Variants in ELP4 observed in about 807,000 individuals in gnomAD.
ELP4 encodes the protein elongator acetyltransferase complex subunit 4.
In ELP4, 51 loss-of-function variants were observed where a neutral mutation model predicts 48.9. That is an observed-to-expected ratio of 1.04 (90% CI 0.83 to 1.32). ELP4 has a LOEUF of 1.32. ELP4 is among the 40% of genes most tolerant of loss of function. The pLI, the probability that ELP4 is intolerant of heterozygous loss-of-function variation, is 0.00. For missense variants in ELP4, 519 were observed against 514.6 expected (o/e 1.01, Z -0.08); for synonymous variants, 210 against 189.2 (o/e 1.11, Z -0.90).
chr11:31,645,347 G>GAA (rs1945178705), intron 7 of ELP4, among the ~76,000 whole-genome samples: 1 of 151,626 alleles, frequency 6.6e-6, no homozygotes. Context: ...TTATAAAGTT[G>GAA]ATAAACATTA....
intron 9 of ELP4, among the ~76,000 whole-genome samples, chr11:31,750,150 C>T (rs1298438262): frequency 6.6e-6 from 1 of 152,128 alleles, no homozygotes; most frequent in Non-Finnish European, 1.5e-5. Flanking sequence ...AGGTGTGAGC[C>T]ACCACGCCCG....
At chr11:31,736,507 A>C (rs1420968029) in intron 9 of ELP4, among the ~76,000 whole-genome samples, 1 of 152,256 alleles carries the variant, frequency 6.6e-6, no homozygotes, top group Non-Finnish European at 1.5e-5. Context: ...ACTTCTGCAC[A>C]GCAAAAGAAA....
intron 9 of ELP4, among the ~76,000 whole-genome samples, chr11:31,776,550 C>G (rs1948252033): frequency 1.3e-5 from 2 of 152,240 alleles, no homozygotes. Flanking sequence ...TTGCCACAGA[C>G]ACATGCCTTT....
intron 5 of ELP4, among the ~76,000 whole-genome samples, chr11:31,607,030 TAA>T: frequency 6.6e-6 from 1 of 152,168 alleles, no homozygotes; most frequent in South Asian, 2.1e-4. Context: ...CGTATCTTTA[TAA>T]AAGAGGGAGA....
chr11:31,750,022 A>AT lies in ELP4; in HGVS notation c.1144-33357dup, dbSNP rs879322563. 8.2e-3 allele frequency among the ~76,000 whole-genome samples: 1,167 copies of AT among 142,732 alleles called. 5 individuals carry two copies. The highest frequency in any genetic ancestry group is 0.025 in the East Asian group (123 of 4,888). 93.6% of individuals were successfully genotyped at this position (142,732 alleles called of 152,430 possible). A position where few individuals can be genotyped will look rare whatever the true frequency, so the allele number is the denominator to read the frequency against. ...AGGTGCCCACCACCGTGCCCAGCTA[A>AT]TTTTTTTTTTTTTTGTATTTTTTAC... On this transcript the variant is annotated intron_variant, in intron 9 of 9. Transcript: ENST00000640961.
intron 9 of ELP4, chr11:31,653,294 G>T (rs1264262877): frequency 6.6e-6 from 1 of 151,674 alleles, no homozygotes; most frequent in Non-Finnish European, 1.5e-5. Context: ...CAGGTTAAAA[G>T]AAATAGCTTT....
chr11:31,639,924 G>C (rs1216985015), intron 7 of ELP4, among the ~76,000 whole-genome samples: 1 of 151,836 alleles, frequency 6.6e-6, no homozygotes, highest in East Asian at 1.9e-4. Context: ...TAGCTAAAGG[G>C]CTATTTAGGG....
In ELP4 at chr11:31,591,422, AG is replaced by A. The variant is rs35637930; in HGVS notation, c.382-3335del. 8.4e-3 allele frequency among the ~76,000 whole-genome samples: 643 copies of A among 76,522 alleles called. 1 individual carries two copies. The highest frequency in any genetic ancestry group is 0.032 in the African/African-American group (494 of 15,556). The allele number at this position is 76,522 out of a possible 152,430, so 50.2% of individuals were successfully genotyped here. On this transcript the variant is annotated intron_variant, in intron 3 of 9. Coordinates refer to ENST00000640961, the MANE Select transcript of ELP4 (RefSeq NM_019040.5). ...CTCCATCTCAAAAAAAAAAAAAAAA[AG>A]GGGGGGGGGGGGTATAAAACCATGA...
At chr11:31,712,923 C>G (rs1946772163) in intron 9 of ELP4, among the ~76,000 whole-genome samples, 1 of 152,174 alleles carries the variant, frequency 6.6e-6, no homozygotes, top group Non-Finnish European at 1.5e-5. Flanking sequence ...CCTCACTGCT[C>G]ATCTATGCCA....
chr11:31,589,564 C>A (rs7125975), intron 3 of ELP4, among the ~76,000 whole-genome samples: 3 of 151,952 alleles, frequency 2.0e-5, no homozygotes, highest in Admixed American at 6.6e-5. Flanking sequence ...CTTCACATAC[C>A]TGAATCTCTT....
intron 6 of ELP4, among the ~76,000 whole-genome samples, 189 bp from the exon 7 acceptor site, chr11:31,632,028 T>C (rs1241451665): frequency 6.6e-6 from 1 of 152,106 alleles, no homozygotes; most frequent in Non-Finnish European, 1.5e-5. Flanking sequence ...GTTAAAGTTA[T>C]TTTTTATAAT....
At chr11:31,699,436 A>T (rs530624971) in intron 9 of ELP4, among the ~76,000 whole-genome samples, 2 of 152,306 alleles carry the variant, frequency 1.3e-5, no homozygotes, top group African/African-American at 4.8e-5. Flanking sequence ...GCCCATACTG[A>T]GATAGATGGA....
At chr11:31,663,325 A>T (rs1945602055) in intron 9 of ELP4, 1 of 152,014 alleles carries the variant, frequency 6.6e-6, no homozygotes, top group Non-Finnish European at 1.5e-5. Context: ...AGCTTCATAC[A>T]ATTTAAATAT....
chr11:31,586,941 A>T (rs961842725), intron 3 of ELP4, among the ~76,000 whole-genome samples: 1 of 152,120 alleles, frequency 6.6e-6, no homozygotes, highest in Non-Finnish European at 1.5e-5. Flanking sequence ...CGACCGGCCA[A>T]ATATTTTTAA....
At chr11:31,725,568 T>A (rs1395862177) in intron 9 of ELP4, among the ~76,000 whole-genome samples, 1 of 152,206 alleles carries the variant, frequency 6.6e-6, no homozygotes, top group Non-Finnish European at 1.5e-5. Flanking sequence ...GCCAATCTTT[T>A]CATCTTGCAA....
intron 9 of ELP4, among the ~76,000 whole-genome samples, chr11:31,709,361 A>G (rs1946695002): frequency 6.6e-6 from 1 of 152,180 alleles, no homozygotes; most frequent in African/African-American, 2.4e-5. Context: ...AGTTTATGCT[A>G]AAACTGAAAA....
At chr11:31,670,777 A>G (rs528773465) in intron 9 of ELP4, among the ~76,000 whole-genome samples, 171 of 152,154 alleles carry the variant, frequency 1.1e-3, no homozygotes, top group Non-Finnish European at 1.9e-3. Flanking sequence ...TATTTTTTAG[A>G]AAAGTATAAT....
intron 9 of ELP4, chr11:31,707,009 C>A (rs1023484479): frequency 1.0e-5 from 4 of 398,250 alleles, no homozygotes; most frequent in African/African-American, 2.1e-5. Context: ...GACTTCATAT[C>A]TTAGCTATCG....
intron 2 of ELP4, among the ~76,000 whole-genome samples, chr11:31,526,548 C>T (rs1224505148): frequency 1.3e-5 from 2 of 151,874 alleles, no homozygotes; most frequent in African/African-American, 4.8e-5. Flanking sequence ...ACGTAGTATA[C>T]TACTTTATCC....
Sources: allele counts gnomAD v4.1 joint callset (sites outside exome capture counted in the v4.1 genomes callset), GRCh38; gene constraint gnomAD v4.1.1; transcripts MANE v1.5; gene names NCBI Gene and HGNC (gene_info 2026-07-23, HGNC 2026-07-21).